The following XKR4 variants were observed in gnomAD, a reference collection of about 807,000 sequenced individuals.
XKR4 encodes XK related 4.
A neutral mutation model predicts 53.9 loss-of-function variants in XKR4; 12 were observed. The ratio of observed to expected loss-of-function variants is 0.22; its 90% CI spans 0.14 to 0.36. XKR4 has a LOEUF of 0.36. Among genes scored for constraint, XKR4 ranks in the 10% least tolerant of loss-of-function variants. The probability of loss-of-function intolerance (pLI) is 1.00; values close to 1 mark genes in which losing one functional copy is unlikely to be tolerated. For synonymous variants in XKR4, 354 were observed against 362.4 expected, an observed-to-expected ratio of 0.98 and a Z score of 0.26; for missense variants, 799 against 859.5, an observed-to-expected ratio of 0.93 and a Z score of 0.88.
At chr8:55,150,515 G>A (rs770579202) in intron 1 of XKR4, among the ~76,000 whole-genome samples, 7 of 152,156 alleles carry the variant, frequency 4.6e-5, no homozygotes, top group Non-Finnish European at 7.3e-5. Flanking sequence ...AGTCGTGCAT[G>A]ACCCTTCATA....
chr8:55,203,201 A>C (rs1193496424), intron 1 of XKR4, among the ~76,000 whole-genome samples: 1 of 152,222 alleles, frequency 6.6e-6, no homozygotes, highest in Non-Finnish European at 1.5e-5. Flanking sequence ...CCCGCCAAGC[A>C]CGGCGCCTGT....
In XKR4 at chr8:55,438,997, G is replaced by A. The variant is rs147071273; in HGVS notation, c.1006+81120G>A. Among the ~76,000 whole-genome samples, 1,479 of 152,198 alleles carry A rather than the reference G, an allele frequency of 9.7e-3. 24 individuals carry two copies. Among genetic ancestry groups the A allele is most frequent in the African/African-American group, 0.032 (1,347 of 41,522 alleles). ...CCTCAAAGTGTGGGAAAACTAGGAC[G>A]GGGGTGAGGGGTTGGAAATGAAGGA... On this transcript the variant is annotated intron_variant, in intron 2 of 2. Transcript: ENST00000327381.
At chr8:55,365,874 T>C (rs1360605565) in intron 2 of XKR4, among the ~76,000 whole-genome samples, 1 of 152,116 alleles carries the variant, frequency 6.6e-6, no homozygotes, top group East Asian at 1.9e-4. Context: ...CTCAGACCTC[T>C]AGGGAAGGGT....
chr8:55,534,669 C>T lies in XKR4; in HGVS notation c.*10442C>T, dbSNP rs962084448. On this transcript the variant is annotated 3_prime_UTR_variant, in exon 3 of 3. Transcript: ENST00000327381. ...GGATTACAGGCGTGAGCCACCACAC[C>T]CGGCCCCGATATTCTTAATGACTAA... 6.6e-6 allele frequency: 1 copy of T among 151,630 alleles called. No homozygotes were observed. Among genetic ancestry groups the T allele is most frequent in the East Asian group, 1.9e-4 (1 of 5,182 alleles). 9.4% of individuals were successfully genotyped at this position (151,630 alleles called of 1,614,324 possible). A position where few individuals can be genotyped will look rare whatever the true frequency, so the allele number is the denominator to read the frequency against.
At chr8:55,474,894 T>A (rs887773807) in intron 2 of XKR4, among the ~76,000 whole-genome samples, 1 of 152,072 alleles carries the variant, frequency 6.6e-6, no homozygotes, top group Non-Finnish European at 1.5e-5. Flanking sequence ...AACCAGTCTG[T>A]TAAAATGCAT....
chr8:55,503,909 G>T (rs2658937), intron 2 of XKR4, among the ~76,000 whole-genome samples: 85,094 of 151,792 alleles, frequency 0.56, 26,472 homozygotes, highest in South Asian at 0.72. Flanking sequence ...TTTTAATCTT[G>T]AAATAGTGTT....
At chr8:55,216,461 C>T (rs1817799815) in intron 1 of XKR4, among the ~76,000 whole-genome samples, 1 of 152,172 alleles carries the variant, frequency 6.6e-6, no homozygotes, top group Non-Finnish European at 1.5e-5. Context: ...GGCATGGTGG[C>T]TCACGCCTGT....
intron 2 of XKR4, among the ~76,000 whole-genome samples, chr8:55,496,167 C>T (rs1003587203): frequency 7.2e-5 from 11 of 152,116 alleles, no homozygotes; most frequent in East Asian, 1.9e-4. Context: ...AATAAGTACT[C>T]GCATACTGAG....
chr8:55,344,987 TGCCTATAATCCCA>T (rs1284339312), intron 1 of XKR4, among the ~76,000 whole-genome samples: 1 of 152,208 alleles, frequency 6.6e-6, no homozygotes, highest in Non-Finnish European at 1.5e-5. Flanking sequence ...CAGTGGCTTA[TGCCTATAATCCCA>T]GCACTTTGGG....
At chr8:55,377,329 A>G (rs552745217) in intron 2 of XKR4, among the ~76,000 whole-genome samples, 2 of 152,264 alleles carry the variant, frequency 1.3e-5, no homozygotes, top group South Asian at 4.1e-4. Context: ...TTGCTGAGAC[A>G]ATGTGAAGGG....
intron 2 of XKR4, among the ~76,000 whole-genome samples, chr8:55,512,778 C>A (rs2063025): frequency 6.6e-6 from 1 of 152,024 alleles, no homozygotes; most frequent in Admixed American, 6.6e-5. Context: ...TACCAATACA[C>A]CCCTCCATGG....
At chr8:55,447,171 C>CA (rs1805359808) in intron 2 of XKR4, among the ~76,000 whole-genome samples, 1 of 152,014 alleles carries the variant, frequency 6.6e-6, no homozygotes, top group Admixed American at 6.5e-5. Context: ...ATCTGCCAGC[C>CA]AAGAAACCAT....
chr8:55,454,617 C>A, intron 2 of XKR4: 1 of 1,275,432 alleles, frequency 7.8e-7, no homozygotes, highest in Non-Finnish European at 1.1e-6. Flanking sequence ...AAATCGTCCT[C>A]TACTAGCCCC....
At chr8:55,231,833 A>G (rs1326422798) in intron 1 of XKR4, among the ~76,000 whole-genome samples, 1 of 152,188 alleles carries the variant, frequency 6.6e-6, no homozygotes, top group Non-Finnish European at 1.5e-5. Context: ...ACTCCACTCC[A>G]GTCTCTTAAA....
At chr8:55,331,944 A>G (rs1803389479) in intron 1 of XKR4, among the ~76,000 whole-genome samples, 1 of 152,078 alleles carries the variant, frequency 6.6e-6, no homozygotes, top group South Asian at 2.1e-4. Flanking sequence ...TATTCAAAAT[A>G]ATTACCGATA....
chr8:55,365,803 G>A (rs1025788319), intron 2 of XKR4, among the ~76,000 whole-genome samples: 1 of 152,130 alleles, frequency 6.6e-6, no homozygotes, highest in East Asian at 1.9e-4. Context: ...ATGAAATCAG[G>A]AGATTCGTAA....
chr8:55,118,858 G>A (rs1816349164), intron 1 of XKR4, among the ~76,000 whole-genome samples: 1 of 151,888 alleles, frequency 6.6e-6, no homozygotes, highest in African/African-American at 2.4e-5. Flanking sequence ...TTCTAAATAT[G>A]TTTTTCGAAG....
intron 2 of XKR4, among the ~76,000 whole-genome samples, chr8:55,504,910 C>A (rs1039489342): frequency 1.3e-5 from 2 of 152,000 alleles, no homozygotes; most frequent in African/African-American, 2.4e-5. Flanking sequence ...GATGTCCCAA[C>A]TTTTGCTACT....
intron 1 of XKR4, among the ~76,000 whole-genome samples, chr8:55,329,101 G>A (rs961693110): frequency 6.6e-6 from 1 of 152,088 alleles, no homozygotes; most frequent in African/African-American, 2.4e-5. Flanking sequence ...ATTTAATAGT[G>A]TTGTGTTTTC....
Sources: gnomAD v4.1 joint callset for allele counts (sites outside exome capture counted in the v4.1 genomes callset) on GRCh38, gnomAD v4.1.1 for gene constraint, MANE v1.5 for transcripts, NCBI Gene and HGNC (gene_info 2026-07-23, HGNC 2026-07-21) for gene names.